The following SCAPER variants were observed in gnomAD, a reference collection of about 807,000 sequenced individuals.
SCAPER encodes S phase cyclin A-associated protein in the endoplasmic reticulum.
In SCAPER, 98 loss-of-function variants were observed where a neutral mutation model predicts 182.2. The ratio of observed to expected loss-of-function variants is 0.54; its 90% CI spans 0.46 to 0.64. SCAPER has a LOEUF of 0.64. Among genes scored for constraint, SCAPER ranks in the 30% least tolerant of loss-of-function variants. SCAPER has a pLI of 0.00. For synonymous variants in SCAPER, 605 were observed against 564.6 expected (o/e 1.07, Z -1.01); for missense variants, 1,432 against 1,690.0 (o/e 0.85, Z 2.68).
intron 23 of SCAPER, among the ~76,000 whole-genome samples, chr15:76,513,082 C>G (rs2042169465): frequency 1.3e-5 from 2 of 152,092 alleles, no homozygotes; most frequent in Non-Finnish European, 2.9e-5. Context: ...CCTATTCATC[C>G]ATCACCTCTG....
chr15:76,796,004 T>C (rs922224530), intron 7 of SCAPER, among the ~76,000 whole-genome samples: 1 of 152,116 alleles, frequency 6.6e-6, no homozygotes, highest in Non-Finnish European at 1.5e-5. Context: ...GAGGTTGTAG[T>C]GAGCCAAGAC....
At position 76,594,038 on chromosome 15, in the gene SCAPER, G is replaced by T. The variant is rs199660951; in HGVS notation, c.2712-19754C>A. Reference sequence around the variant, plus strand: ...AATAACAAACTCCTCTGAGCTAAAGGAGCATGATATAACCGAATGCAAGGA... The same window carrying T: ...AATAACAAACTCCTCTGAGCTAAAGTAGCATGATATAACCGAATGCAAGGA... On this transcript the variant is annotated intron_variant, in intron 22 of 31. Coordinates refer to ENST00000563290, the MANE Select transcript of SCAPER (RefSeq NM_020843.4). Among the ~76,000 whole-genome samples the T allele has an allele frequency of 1.7e-5, 2 of 119,924 alleles. 1 individual carries two copies. The highest frequency in any genetic ancestry group is 5.1e-5 in the African/African-American group (2 of 39,366). The allele number at this position is 119,924 out of a possible 152,430, so 78.7% of individuals were successfully genotyped here.
intron 21 of SCAPER, among the ~76,000 whole-genome samples, chr15:76,638,637 TGTG>T (rs1365476060): frequency 6.6e-6 from 1 of 152,230 alleles, no homozygotes; most frequent in Non-Finnish European, 1.5e-5. Context: ...TTTCTATTAA[TGTG>T]GTGAATTATA....
At chr15:76,454,018 A>G (rs1181904612) in intron 25 of SCAPER, among the ~76,000 whole-genome samples, 1 of 152,198 alleles carries the variant, frequency 6.6e-6, no homozygotes, top group East Asian at 1.9e-4. Context: ...AAGCATCTGT[A>G]GGGAAAGAGC....
chr15:76,873,859 A>G (rs2151927251), intron 2 of SCAPER, among the ~76,000 whole-genome samples: 1 of 151,574 alleles, frequency 6.6e-6, no homozygotes, highest in Middle Eastern at 3.4e-3. Context: ...AATAATCCCC[A>G]TGTGTTTGGA....
chr15:76,751,718 G>C (rs2062095205), intron 15 of SCAPER, among the ~76,000 whole-genome samples: 1 of 151,554 alleles, frequency 6.6e-6, no homozygotes, highest in South Asian at 2.1e-4. Flanking sequence ...ACCACATACT[G>C]AAATTAACTC....
intron 27 of SCAPER, among the ~76,000 whole-genome samples, chr15:76,387,611 G>A (rs2043371115): frequency 1.3e-5 from 2 of 152,176 alleles, no homozygotes; most frequent in Non-Finnish European, 2.9e-5. Context: ...AACCAGGAGA[G>A]ATGAAAAGAA....
chr15:76,652,330 AC>A (rs2146551319), intron 21 of SCAPER, among the ~76,000 whole-genome samples: 1 of 40,912 alleles, frequency 2.4e-5, no homozygotes, highest in South Asian at 1.3e-3. Context: ...ACACACACAC[AC>A]ATACACATAT....
intron 1 of SCAPER, among the ~76,000 whole-genome samples, chr15:76,894,273 G>T (rs2074312043): frequency 6.6e-6 from 1 of 151,662 alleles, no homozygotes; most frequent in Admixed American, 6.6e-5. Context: ...GACACAGACA[G>T]ATCTCAGCCT....
intron 17 of SCAPER, among the ~76,000 whole-genome samples, chr15:76,727,361 T>C (rs2060657320): frequency 1.3e-5 from 2 of 152,028 alleles, no homozygotes; most frequent in Admixed American, 6.6e-5. Context: ...ACAATTATTA[T>C]AAAGCTTTGA....
intron 14 of SCAPER, among the ~76,000 whole-genome samples, chr15:76,756,012 G>A (rs992647889): frequency 1.3e-5 from 2 of 152,068 alleles, no homozygotes; most frequent in African/African-American, 2.4e-5. Context: ...CCAGTATTTG[G>A]GAGGCAGATA....
At chr15:76,449,261 A>T (rs1191187349) in intron 25 of SCAPER, among the ~76,000 whole-genome samples, 2 of 152,242 alleles carry the variant, frequency 1.3e-5, no homozygotes, top group Non-Finnish European at 2.9e-5. Flanking sequence ...TTGGGGGAAC[A>T]TATCTCCATA....
chr15:76,409,710 T>C (rs1215332187), intron 26 of SCAPER, among the ~76,000 whole-genome samples: 4 of 152,176 alleles, frequency 2.6e-5, no homozygotes, highest in Non-Finnish European at 5.9e-5. Flanking sequence ...TAGGGTTCTA[T>C]CCCTGAACTA....
At chr15:76,679,409 T>C (rs1043896436) in intron 20 of SCAPER, among the ~76,000 whole-genome samples, 6 of 152,230 alleles carry the variant, frequency 3.9e-5, no homozygotes, top group Admixed American at 3.9e-4. Flanking sequence ...TGAAATGCAA[T>C]GCATTTTTAT....
Position 76,471,247 on chromosome 15 carries a change from T to C in SCAPER, c.3043A>G (p.Thr1015Ala), listed in dbSNP as rs1452778435. 6.2e-7 allele frequency: 1 copy of C among 1,612,160 alleles called. No homozygotes were observed. The highest frequency in any genetic ancestry group is 1.3e-5 in the African/African-American group (1 of 74,852). ...TGTATCAGGAGGTCCATTAAGAAGG[T>C]AATCTTGTTACTAAACAGAACATCA... is the stretch of plus-strand genomic sequence containing the variant. ...CSDVLFSNKI[T>A]FLMDLLIHQL... Residue 1015 changes from threonine (T) to alanine (A), a missense_variant, in exon 25 of 32, where the codon ACC becomes GCC. By Grantham distance (58) the Thr-to-Ala change is moderately conservative. Coordinates refer to ENST00000563290, the MANE Select transcript of SCAPER (RefSeq NM_020843.4).
chr15:76,639,581 T>A (rs2053933005), intron 21 of SCAPER, among the ~76,000 whole-genome samples: 1 of 152,194 alleles, frequency 6.6e-6, no homozygotes. Flanking sequence ...TGATTTACAC[T>A]ACTATTTACA....
chr15:76,889,700 A>T (rs2074059455), intron 1 of SCAPER, among the ~76,000 whole-genome samples: 1 of 152,228 alleles, frequency 6.6e-6, no homozygotes, highest in Non-Finnish European at 1.5e-5. Context: ...AAAGAGACTT[A>T]GACTCCCACA....
At chr15:76,557,666 A>G (rs1049610217) in intron 23 of SCAPER, among the ~76,000 whole-genome samples, 2 of 152,194 alleles carry the variant, frequency 1.3e-5, no homozygotes, top group African/African-American at 4.8e-5. Flanking sequence ...CCAGAAGCTG[A>G]GCAGATGACA....
chr15:76,439,078 G>C (rs1331805281), intron 25 of SCAPER, among the ~76,000 whole-genome samples: 2 of 151,330 alleles, frequency 1.3e-5, no homozygotes, highest in Non-Finnish European at 3.0e-5. Flanking sequence ...TCTTCAGTGA[G>C]ACAAAATGAT....
Sources: gnomAD v4.1 joint callset for allele counts (sites outside exome capture counted in the v4.1 genomes callset) on GRCh38, gnomAD v4.1.1 for gene constraint, MANE v1.5 for transcripts, NCBI Gene and HGNC (gene_info 2026-07-23, HGNC 2026-07-21) for gene names.